The following NSUN7 variants were observed in gnomAD, a reference collection of about 807,000 sequenced individuals.
NSUN7 encodes the protein NOP2/Sun RNA methyltransferase family member 7.
Under a neutral mutation model 58.5 loss-of-function variants are expected in NSUN7, and 39 were observed. The ratio of observed to expected loss-of-function variants is 0.67; its 90% CI spans 0.52 to 0.87. The LOEUF (loss-of-function observed/expected upper bound fraction) is 0.87, where lower values mean the gene tolerates loss of function less well. Ranked by LOEUF, NSUN7 falls within the 40% of genes least tolerant of loss-of-function variation. The pLI is 0.00. For synonymous variants in NSUN7, 278 were observed against 303.7 expected (o/e 0.92, Z 0.88); for missense variants, 765 against 844.1 (o/e 0.91, Z 1.16).
Position 40,798,767 on chromosome 4 carries a change from T to C in NSUN7, c.1283-20T>C. On this transcript the variant is annotated intron_variant, in intron 9 of 11. Coordinates refer to ENST00000381782, the MANE Select transcript of NSUN7 (RefSeq NM_024677.6). ...TTGTTAATATAGTTGTTACAGTCATTGCATCTTCTTCTAATATAGTTACTA... is the reference window on the plus strand; with the variant it reads ...TTGTTAATATAGTTGTTACAGTCATCGCATCTTCTTCTAATATAGTTACTA... 2 of 1,359,836 alleles carry C rather than the reference T, an allele frequency of 1.5e-6. No homozygotes were observed. Among genetic ancestry groups the C allele is most frequent in the Non-Finnish European group, 2.1e-6 (2 of 954,654 alleles). The allele number at this position is 1,359,836 out of a possible 1,614,324, so 84.2% of individuals were successfully genotyped here. A position where few individuals can be genotyped will look rare whatever the true frequency, so the allele number is the denominator to read the frequency against.
chr4:40,751,007 C>A lies in NSUN7; in HGVS notation c.298+16C>A. On this transcript the variant is annotated intron_variant, in intron 2 of 11. Transcript: ENST00000381782. ...GCCCTGAAATGTGAGTTGTGCCAGT[C>A]TGGAAGATCAACACTAAAAGAAAAT... is the stretch of plus-strand genomic sequence containing the variant. 1 of 1,608,988 alleles carries A rather than the reference C, an allele frequency of 6.2e-7. No homozygotes were observed. The highest frequency in any genetic ancestry group is 1.7e-5 in the Admixed American group (1 of 59,652).
chr4:40,751,407 A>G (rs906703394), intron 2 of NSUN7, among the ~76,000 whole-genome samples: 2 of 151,552 alleles, frequency 1.3e-5, no homozygotes, highest in Non-Finnish European at 3.0e-5. Flanking sequence ...ACAGGCAGTG[A>G]GCCACCACGC....
At position 40,756,540 on chromosome 4, in the gene NSUN7, T is replaced by C. The variant is rs568661624; in HGVS notation, c.299-3894T>C. ...GTGTGGTGTATTTGGTTACTCTGGT[T>C]TGTCATGAGAATAATAAGAGGAAGG... On this transcript the variant is annotated intron_variant, in intron 2 of 11. Transcript: ENST00000381782. Among the ~76,000 whole-genome samples, 4 of 152,274 alleles carry C rather than the reference T, an allele frequency of 2.6e-5. 1 individual carries two copies. In the South Asian group the frequency reaches 8.3e-4, roughly 32 times the overall value.
intron 9 of NSUN7, among the ~76,000 whole-genome samples, chr4:40,795,938 C>A (rs947622780): frequency 7.2e-5 from 11 of 152,198 alleles, no homozygotes; most frequent in Admixed American, 2.6e-4. Flanking sequence ...TTATATGTAT[C>A]ATTTTATTTA....
At chr4:40,787,752 A>G (rs1183012651) in intron 7 of NSUN7, among the ~76,000 whole-genome samples, 1 of 152,250 alleles carries the variant, frequency 6.6e-6, no homozygotes, top group Non-Finnish European at 1.5e-5. Context: ...TTTAAGGAAG[A>G]AATAATACTC....
In NSUN7 at chr4:40,761,162, C is replaced by A; in HGVS notation, c.358-9C>A. ...TATACTTTTCTTTATATATGTTTTC[C>A]CTTGTTAGCCAGATCATTTGAGCAG... On this transcript the variant is annotated splice_polypyrimidine_tract_variant and intron_variant, in intron 3 of 11. Coordinates refer to ENST00000381782, the MANE Select transcript of NSUN7 (RefSeq NM_024677.6). 1 of 1,564,832 alleles carries A rather than the reference C, an allele frequency of 6.4e-7. No individual in the cohort carries two copies. The highest frequency in any genetic ancestry group is 8.6e-7 in the Non-Finnish European group (1 of 1,160,720).
Position 40,750,677 on chromosome 4 carries a change from A to G in NSUN7, c.-17A>G, listed in dbSNP as rs745869988. ...CTAACCCCAGGGTGAAGGACTCACG[A>G]CAGGCGAGGGGCAGACATGCTGAAT... is the stretch of plus-strand genomic sequence containing the variant. On this transcript the variant is annotated 5_prime_UTR_variant, in exon 2 of 12. Coordinates refer to ENST00000381782, the MANE Select transcript of NSUN7 (RefSeq NM_024677.6). 4 of 1,610,328 alleles carry G rather than the reference A, an allele frequency of 2.5e-6. No homozygotes were observed. The highest frequency in any genetic ancestry group is 3.4e-6 in the Non-Finnish European group (4 of 1,178,046).
chr4:40,776,360 T>A, intron 7 of NSUN7, 101 bp downstream of exon 7: 2 of 743,032 alleles, frequency 2.7e-6, no homozygotes, highest in Non-Finnish European at 4.3e-6. Context: ...GTAAAAGCTC[T>A]ATATGTGAAC....
At chr4:40,796,163 G>A (rs1038187690) in intron 9 of NSUN7, among the ~76,000 whole-genome samples, 4 of 152,020 alleles carry the variant, frequency 2.6e-5, no homozygotes, top group Admixed American at 6.6e-5. Flanking sequence ...AGGCCAGCCT[G>A]GACAACATGG....
intron 4 of NSUN7, among the ~76,000 whole-genome samples, chr4:40,765,224 T>C (rs1741660994): frequency 2.3e-5 from 2 of 85,468 alleles, no homozygotes; most frequent in Non-Finnish European, 2.4e-5. Flanking sequence ...GTCTAACGTT[T>C]AAGTCTTTAA....
At chr4:40,766,463 G>A (rs1279393847) in intron 4 of NSUN7, among the ~76,000 whole-genome samples, 3 of 151,872 alleles carry the variant, frequency 2.0e-5, no homozygotes, top group African/African-American at 7.3e-5. Flanking sequence ...GCTTTTTGAT[G>A]TGCTGCTGGA....
intron 2 of NSUN7, among the ~76,000 whole-genome samples, chr4:40,758,811 G>A (rs1228856298): frequency 6.6e-6 from 1 of 152,164 alleles, no homozygotes. Context: ...CTTGAGCCCA[G>A]GAGGTGGAGG....
chr4:40,751,070 C>A (rs1207120116), intron 2 of NSUN7, 79 bp downstream of exon 2: 1 of 1,489,148 alleles, frequency 6.7e-7, no homozygotes, highest in Non-Finnish European at 9.2e-7. Context: ...CCCTCCTCCT[C>A]CCTTCCCCTC....
chr4:40,807,269 C>A, intron 11 of NSUN7, 85 bp downstream of exon 11: 1 of 1,257,776 alleles, frequency 8.0e-7, no homozygotes, highest in Non-Finnish European at 1.1e-6. Flanking sequence ...GAACTTTGCA[C>A]ATTCTGTAAA....
Position 40,775,955 on chromosome 4 carries a change from C to CT in NSUN7, c.826-93dup, listed in dbSNP as rs1188305666. ...AAAATTGGTTAGGTCTCTAATATTACTATGAGGTACTTTCTTTTATGTAAA... is the reference window on the plus strand; with the variant it reads ...AAAATTGGTTAGGTCTCTAATATTACTTATGAGGTACTTTCTTTTATGTAAA... On this transcript the variant is annotated intron_variant, in intron 6 of 11. Transcript: ENST00000381782. The surrounding 1 kb of genome is among the most constrained non-coding windows in gnomAD (Gnocchi z 4.3). 1.4e-6 allele frequency: 1 copy of CT among 722,316 alleles called. No individual in the cohort carries two copies. Among genetic ancestry groups the CT allele is most frequent in the Non-Finnish European group, 2.2e-6 (1 of 454,650 alleles). The allele number at this position is 722,316 out of a possible 1,614,324, so 44.7% of individuals were successfully genotyped here.
chr4:40,756,466 G>A (rs770433337), intron 2 of NSUN7, among the ~76,000 whole-genome samples: 2 of 152,200 alleles, frequency 1.3e-5, no homozygotes, highest in Non-Finnish European at 2.9e-5. Context: ...TAATAGGCAC[G>A]CTTTGCAACT....
At chr4:40,804,686 A>G (rs1337131513) in intron 10 of NSUN7, among the ~76,000 whole-genome samples, 1 of 152,138 alleles carries the variant, frequency 6.6e-6, no homozygotes, top group Non-Finnish European at 1.5e-5. Flanking sequence ...GAGGGCACGA[A>G]GGTGAGCAGT....
intron 8 of NSUN7, among the ~76,000 whole-genome samples, chr4:40,792,539 C>T (rs1291726079): frequency 6.6e-6 from 1 of 152,024 alleles, no homozygotes; most frequent in Admixed American, 6.6e-5. Context: ...ATCACGAGGT[C>T]AGGAGCTCGA....
chr4:40,768,934 G>T (rs1266909625), intron 4 of NSUN7, among the ~76,000 whole-genome samples: 2 of 152,146 alleles, frequency 1.3e-5, no homozygotes, highest in African/African-American at 4.8e-5. Context: ...GAAAGGAGGG[G>T]AAAGACTTAG....
Sources: allele counts gnomAD v4.1 joint callset (sites outside exome capture counted in the v4.1 genomes callset), GRCh38; gene constraint gnomAD v4.1.1; non-coding constraint Gnocchi (gnomAD v3.1); transcripts MANE v1.5; gene names NCBI Gene and HGNC (gene_info 2026-07-23, HGNC 2026-07-21).